Variants in LARP1B observed in about 807,000 individuals in gnomAD.
LARP1B encodes La ribonucleoprotein 1B.
LARP1B carries 76 observed loss-of-function variants against 114.2 expected under a neutral mutation model. The observed-to-expected ratio is 0.67, with a 90% CI of 0.55 to 0.81. The LOEUF (loss-of-function observed/expected upper bound fraction) is 0.81, where lower values mean the gene tolerates loss of function less well. Among genes scored for constraint, LARP1B ranks in the 30% least tolerant of loss-of-function variants. LARP1B has a pLI of 0.00. For synonymous variants in LARP1B, 345 were observed against 348.0 expected, an observed-to-expected ratio of 0.99 and a Z score of 0.10; for missense variants, 1,014 against 1,075.8, an observed-to-expected ratio of 0.94 and a Z score of 0.80.
intron 9 of LARP1B, among the ~76,000 whole-genome samples, chr4:128,109,207 T>C (rs964108548): frequency 1.3e-5 from 2 of 152,164 alleles, no homozygotes; most frequent in Non-Finnish European, 1.5e-5. Flanking sequence ...GAGTAGTATG[T>C]CACCAAAAAT....
intron 1 of LARP1B, among the ~76,000 whole-genome samples, chr4:128,065,375 C>CTTTCT (rs1762407409): frequency 9.0e-6 from 1 of 111,578 alleles, no homozygotes; most frequent in African/African-American, 3.6e-5. Context: ...CTTTTCTTTT[C>CTTTCT]TTTTCTTTCT....
chr4:128,185,918 A>G (rs1750178603), intron 15 of LARP1B, among the ~76,000 whole-genome samples: 1 of 152,108 alleles, frequency 6.6e-6, no homozygotes, highest in Non-Finnish European at 1.5e-5. Flanking sequence ...TCTTAGCCCC[A>G]CTTATCGAAG....
intron 9 of LARP1B, among the ~76,000 whole-genome samples, chr4:128,110,545 C>T (rs974529094): frequency 3.4e-5 from 5 of 148,550 alleles, no homozygotes; most frequent in Non-Finnish European, 6.0e-5. Flanking sequence ...GGCGTAGTGG[C>T]GGGCGCCTGT....
chr4:128,090,678 A>C (rs1410427363), intron 5 of LARP1B, among the ~76,000 whole-genome samples: 3 of 152,240 alleles, frequency 2.0e-5, no homozygotes, highest in East Asian at 1.9e-4. Context: ...AGTTTTATGT[A>C]GTACAAACTT....
intron 9 of LARP1B, among the ~76,000 whole-genome samples, chr4:128,110,427 G>T (rs1783643621): frequency 6.7e-6 from 1 of 149,860 alleles, no homozygotes. Flanking sequence ...AAAAAAAAAA[G>T]ATTTGGGAGG....
intron 11 of LARP1B, chr4:128,123,446 A>T: frequency 1.1e-6 from 1 of 892,180 alleles, no homozygotes; most frequent in Non-Finnish European, 1.3e-6. Context: ...ATAATCAGTT[A>T]AAATTATCCT....
chr4:128,166,292 A>G lies in LARP1B; in HGVS notation c.1648+3975A>G, dbSNP rs762435840. Reference sequence around the variant, plus strand: ...TCTTATTTATTGGAAAGTTATATTCATATATATTTAAAATATATCTAGAAT... The same window carrying G: ...TCTTATTTATTGGAAAGTTATATTCGTATATATTTAAAATATATCTAGAAT... On this transcript the variant is annotated intron_variant, in intron 12 of 19. Coordinates refer to ENST00000326639, the MANE Select transcript of LARP1B (RefSeq NM_018078.4). Among the ~76,000 whole-genome samples, 9 of 151,984 alleles carry G rather than the reference A, an allele frequency of 5.9e-5. No individual in the cohort carries two copies. The South Asian group carries it at 8.3e-4, about 14-fold the overall frequency.
chr4:128,089,122 G>T (rs1489021671), intron 5 of LARP1B, among the ~76,000 whole-genome samples: 1 of 152,076 alleles, frequency 6.6e-6, no homozygotes, highest in Non-Finnish European at 1.5e-5. Flanking sequence ...ACAACTGAGG[G>T]AGTGAGTGGG....
At chr4:128,172,342 A>ATT (rs1417469115) in intron 12 of LARP1B, among the ~76,000 whole-genome samples, 4 of 152,246 alleles carry the variant, frequency 2.6e-5, no homozygotes, top group Non-Finnish European at 5.9e-5. Context: ...GTGTTTATAC[A>ATT]TTTTTAATCA....
intron 19 of LARP1B, among the ~76,000 whole-genome samples, chr4:128,207,805 C>T (rs936923395): frequency 2.6e-5 from 4 of 152,176 alleles, no homozygotes; most frequent in Admixed American, 1.3e-4. Flanking sequence ...ATGTTGTGTG[C>T]ATGTGTGCAA....
In LARP1B at chr4:128,091,532, A is replaced by G. The variant is rs764094312; in HGVS notation, c.668+20A>G. On this transcript the variant is annotated intron_variant, in intron 7 of 19. Transcript: ENST00000326639. ...TCAAATGTAAGTGGATGTTTGATGT[A>G]AGCAGACGGGATAGCAAAATCTGTT... The G allele has an allele frequency of 1.9e-6, 3 of 1,572,224 alleles. No homozygotes were observed. Among genetic ancestry groups the G allele is most frequent in the East Asian group, 4.5e-5 (2 of 43,976 alleles).
At chr4:128,097,842 G>GC (rs1246378324) in intron 7 of LARP1B, among the ~76,000 whole-genome samples, 2 of 151,914 alleles carry the variant, frequency 1.3e-5, no homozygotes, top group Non-Finnish European at 2.9e-5. Flanking sequence ...AGTAGAAGTG[G>GC]CTTTGTAAAG....
chr4:128,211,183 G>A lies in LARP1B; in HGVS notation c.*1130G>A, dbSNP rs1758912651. On this transcript the variant is annotated 3_prime_UTR_variant, in exon 20 of 20. Coordinates refer to ENST00000326639, the MANE Select transcript of LARP1B (RefSeq NM_018078.4). ...TTTTTATTTAGAATATAGTTGAAAA[G>A]CTGTAATATTCAGTTTTGCTAGTAA... The A allele has an allele frequency of 2.2e-6, 2 of 925,488 alleles. No homozygotes were observed. Among genetic ancestry groups the A allele is most frequent in the South Asian group, 1.0e-4 (2 of 19,966 alleles). The allele number at this position is 925,488 out of a possible 1,614,324, so 57.3% of individuals were successfully genotyped here.
In LARP1B at chr4:128,176,922, G is replaced by A. The variant is rs762376604; in HGVS notation, c.1684+15G>A. On this transcript the variant is annotated intron_variant, in intron 13 of 19. Transcript: ENST00000326639. ...TCCCAAGAAAGGTAACATCTGTGGT[G>A]GGTATTAAAGGGAGGCTATGATATC... The A allele has an allele frequency of 1.9e-6, 3 of 1,611,530 alleles. No individual in the cohort carries two copies. Among genetic ancestry groups the A allele is most frequent in the Non-Finnish European group, 2.5e-6 (3 of 1,177,646 alleles).
At chr4:128,135,254 T>TA (rs1467010195) in intron 11 of LARP1B, among the ~76,000 whole-genome samples, 3 of 152,088 alleles carry the variant, frequency 2.0e-5, no homozygotes, top group Admixed American at 6.5e-5. Context: ...GGTTACCATT[T>TA]AAAAAAACAC....
At chr4:128,170,776 A>T (rs1175450624) in intron 12 of LARP1B, among the ~76,000 whole-genome samples, 2 of 151,506 alleles carry the variant, frequency 1.3e-5, no homozygotes, top group African/African-American at 4.8e-5. Flanking sequence ...ATTCAGTCTG[A>T]CAGTATATCT....
At chr4:128,073,045 CTAGA>C (rs1165320807) in intron 1 of LARP1B, among the ~76,000 whole-genome samples, 3 of 152,058 alleles carry the variant, frequency 2.0e-5, no homozygotes, top group African/African-American at 4.8e-5. Context: ...TTCTTGATTC[CTAGA>C]TAATTTCCTG....
chr4:128,116,545 G>A (rs918891482), intron 10 of LARP1B, among the ~76,000 whole-genome samples: 3 of 152,156 alleles, frequency 2.0e-5, no homozygotes, highest in South Asian at 2.1e-4. Context: ...ATTGGTTCTG[G>A]TAGCTGGTTT....
At chr4:128,114,860 TTTGTAA>T in intron 10 of LARP1B, 118 bp downstream of exon 10, 2 of 811,218 alleles carry the variant, frequency 2.5e-6, no homozygotes, top group African/African-American at 1.7e-5. Context: ...CAATTTTAAC[TTTGTAA>T]TTGTTGGCCT....
Sources: gnomAD v4.1 joint callset for allele counts (sites outside exome capture counted in the v4.1 genomes callset) on GRCh38, gnomAD v4.1.1 for gene constraint, MANE v1.5 for transcripts, NCBI Gene and HGNC (gene_info 2026-07-23, HGNC 2026-07-21) for gene names.